Variants in SCN2A observed in about 807,000 individuals in gnomAD.
SCN2A encodes sodium channel protein type 2 subunit alpha.
SCN2A carries 20 observed loss-of-function variants against 188.7 expected under a neutral mutation model. The observed-to-expected ratio is 0.11, with a 90% CI of 0.07 to 0.15. The LOEUF (loss-of-function observed/expected upper bound fraction) is 0.15. Ranked by LOEUF, SCN2A falls within the 10% of genes least tolerant of loss-of-function variation. SCN2A has a pLI of 1.00. For missense variants in SCN2A, 1,278 were observed against 2,445.0 expected (o/e 0.52, Z 10.07); for synonymous variants, 804 against 833.1 (o/e 0.97, Z 0.60).
At chr2:165,258,008 T>G (rs190170448) in intron 1 of SCN2A, among the ~76,000 whole-genome samples, 330 of 150,802 alleles carry the variant, frequency 2.2e-3, no homozygotes, top group Non-Finnish European at 3.9e-3. Context: ...TGTTGTTGTT[T>G]TTGTTTTTTG....
intron 1 of SCN2A, among the ~76,000 whole-genome samples, chr2:165,291,575 T>TCCTTCCTTCCTTCCTTTCTC (rs1460696524): frequency 2.8e-5 from 2 of 70,582 alleles, no homozygotes; most frequent in African/African-American, 9.3e-5. Context: ...CTTCCTTCCT[T>TCCTTCCTTCCTTCCTTTCTC]TCTCTCTCTC....
chr2:165,331,669 T>C (rs1698682000), intron 14 of SCN2A, 101 bp downstream of exon 14: 2 of 931,846 alleles, frequency 2.1e-6, no homozygotes, highest in African/African-American at 1.6e-5. Flanking sequence ...TAATTGGCCA[T>C]GTATATCTTG....
At chr2:165,363,336 C>T (rs1451552414) in intron 17 of SCN2A, among the ~76,000 whole-genome samples, 3 of 152,194 alleles carry the variant, frequency 2.0e-5, no homozygotes, top group South Asian at 2.1e-4. Flanking sequence ...AGTCTTACCC[C>T]GTTCTGTGTT....
intron 18 of SCN2A, among the ~76,000 whole-genome samples, chr2:165,366,776 ATAT>A (rs1002969156): frequency 3.3e-5 from 5 of 152,028 alleles, no homozygotes; most frequent in African/African-American, 9.7e-5. Context: ...ATTTAGAGAA[ATAT>A]TATGAAATCT....
At chr2:165,385,873 C>A (rs774949107) in intron 25 of SCN2A, among the ~76,000 whole-genome samples, 3 of 152,046 alleles carry the variant, frequency 2.0e-5, no homozygotes, top group African/African-American at 7.2e-5. Context: ...AAAATTAATA[C>A]CCTCCCAACA....
Position 165,297,122 on chromosome 2 carries a change from A to G in SCN2A, c.373A>G (p.Ile125Val). The change falls in exon 3 of 27, where the codon ATT (isoleucine) becomes GTT (valine). Residue 125 changes from isoleucine (I) to valine (V), a missense_variant. Around this residue, in one of 17 missense-constraint regions of SCN2A, gnomAD observed 141 missense variants for 185.4 expected, o/e 0.76. Transcript: ENST00000375437. ...FNPIRKLAIK[I>V]LVHSLFNMLI... ...CCCTATTAGAAAATTAGCTATTAAG[A>G]TTTTGGTACATTCATATCCTTTTTC... 3 of 1,557,328 alleles carry G rather than the reference A, an allele frequency of 1.9e-6. No homozygotes were observed. Among genetic ancestry groups the G allele is most frequent in the Non-Finnish European group, 2.7e-6 (3 of 1,128,952 alleles).
chr2:165,328,557 T>A (rs569875819), intron 13 of SCN2A: 8 of 961,982 alleles, frequency 8.3e-6, no homozygotes, highest in Non-Finnish European at 9.9e-6. Context: ...AAATCAACAG[T>A]CATGCTTTGC....
At chr2:165,244,591 T>C (rs571151612) in intron 1 of SCN2A, among the ~76,000 whole-genome samples, 1 of 152,322 alleles carries the variant, frequency 6.6e-6, no homozygotes, top group South Asian at 2.1e-4. Context: ...TTTAAGTATA[T>C]TTTATTTATT....
chr2:165,345,421 A>G (rs1699524459), intron 16 of SCN2A, among the ~76,000 whole-genome samples: 1 of 152,180 alleles, frequency 6.6e-6, no homozygotes, highest in African/African-American at 2.4e-5. Context: ...ATATATATTT[A>G]GGATAGTTAG....
intron 14 of SCN2A, among the ~76,000 whole-genome samples, chr2:165,333,771 C>T (rs1698829231): frequency 6.6e-6 from 1 of 150,836 alleles, no homozygotes; most frequent in Non-Finnish European, 1.5e-5. Flanking sequence ...CTGAAGTTAA[C>T]AGAAAAGACA....
chr2:165,331,775 T>A (rs1698692643), intron 14 of SCN2A, among the ~76,000 whole-genome samples: 1 of 152,160 alleles, frequency 6.6e-6, no homozygotes, highest in African/African-American at 2.4e-5. Flanking sequence ...GATTTAGAAT[T>A]GAATTTAAAT....
intron 1 of SCN2A, among the ~76,000 whole-genome samples, chr2:165,276,963 C>A (rs1027699835): frequency 3.3e-5 from 5 of 152,080 alleles, no homozygotes; most frequent in Admixed American, 3.3e-4. Context: ...ATCACGAGGT[C>A]AGGAGATGGA....
At chr2:165,364,296 C>T (rs532976443) in intron 17 of SCN2A, among the ~76,000 whole-genome samples, 1 of 152,278 alleles carries the variant, frequency 6.6e-6, no homozygotes, top group East Asian at 1.9e-4. Flanking sequence ...CATTTTAAGA[C>T]CAGGTTAAAG....
intron 1 of SCN2A, among the ~76,000 whole-genome samples, chr2:165,280,273 T>A (rs1695527168): frequency 6.6e-6 from 1 of 152,186 alleles, no homozygotes; most frequent in Admixed American, 6.5e-5. Flanking sequence ...CGATTATTTA[T>A]CTATGTACTC....
At chr2:165,380,750 T>A in intron 24 of SCN2A, 21 bp downstream of exon 24, 1 of 1,541,346 alleles carries the variant, frequency 6.5e-7, no homozygotes, top group Non-Finnish European at 8.9e-7. Flanking sequence ...TAAAACTTCA[T>A]CCTTGCTCTG....
chr2:165,272,679 A>G (rs1695154211), intron 1 of SCN2A: 1 of 152,150 alleles, frequency 6.6e-6, no homozygotes, highest in East Asian at 1.9e-4. Flanking sequence ...GAAATCAATT[A>G]CAATTAGATA....
At chr2:165,351,289 C>T (rs1362410610) in intron 16 of SCN2A, among the ~76,000 whole-genome samples, 1 of 151,708 alleles carries the variant, frequency 6.6e-6, no homozygotes, top group Non-Finnish European at 1.5e-5. Context: ...AGATTGGCTG[C>T]TTTAAAAAAA....
At chr2:165,270,288 T>C (rs913901037) in intron 1 of SCN2A, 1 of 152,038 alleles carries the variant, frequency 6.6e-6, no homozygotes, top group African/African-American at 2.4e-5. Context: ...TTTGCTACTG[T>C]TTTTATTCAC....
intron 1 of SCN2A, among the ~76,000 whole-genome samples, chr2:165,260,145 G>C (rs1346782048): frequency 2.0e-5 from 3 of 151,826 alleles, no homozygotes; most frequent in Non-Finnish European, 2.9e-5. Context: ...AGGTTTCACC[G>C]TGTTAGCCGG....
Sources: gnomAD v4.1 joint callset for allele counts (sites outside exome capture counted in the v4.1 genomes callset) on GRCh38, gnomAD v4.1.1 for gene constraint, gnomAD v4.1.1 regional missense constraint, MANE v1.5 for transcripts, NCBI Gene and HGNC (gene_info 2026-07-23, HGNC 2026-07-21) for gene names.